The following SLC20A2 variants were observed in gnomAD, a reference collection of about 807,000 sequenced individuals.
SLC20A2 encodes solute carrier family 20 member 2.
Under a neutral mutation model 61.0 loss-of-function variants are expected in SLC20A2, and 30 were observed. That is an observed-to-expected ratio of 0.49 (90% confidence interval 0.37 to 0.67). The LOEUF (loss-of-function observed/expected upper bound fraction) is 0.67, where lower values mean the gene tolerates loss of function less well. SLC20A2 is among the 30% of genes least tolerant of loss of function. The pLI is 0.00. For synonymous variants in SLC20A2, 351 were observed against 353.3 expected (o/e 0.99, Z 0.07); for missense variants, 626 against 866.4 (o/e 0.72, Z 3.48).
intron 1 of SLC20A2, among the ~76,000 whole-genome samples, chr8:42,494,779 T>C (rs539501250): frequency 6.6e-6 from 1 of 152,324 alleles, no homozygotes; most frequent in Admixed American, 6.5e-5. Flanking sequence ...TTTACCTTTT[T>C]CTTCAAGTTT....
At chr8:42,508,378 G>A (rs111856060) in intron 1 of SLC20A2, among the ~76,000 whole-genome samples, 8,026 of 150,940 alleles carry the variant, frequency 0.053, 476 homozygotes, top group African/African-American at 0.15. Flanking sequence ...GTTTTGAGAC[G>A]GAGTCTCGGA....
At chr8:42,423,428 C>T (rs567385244) in intron 10 of SLC20A2, among the ~76,000 whole-genome samples, 9 of 151,778 alleles carry the variant, frequency 5.9e-5, no homozygotes, top group African/African-American at 1.9e-4. Context: ...TGGGCTCAAG[C>T]GATCCTCCTA....
At chr8:42,492,926 C>G (rs565805418) in intron 1 of SLC20A2, among the ~76,000 whole-genome samples, 161 of 152,312 alleles carry the variant, frequency 1.1e-3, no homozygotes, top group Non-Finnish European at 1.8e-3. Flanking sequence ...CGTGATCCAC[C>G]CACCTCAGCC....
chr8:42,457,997 C>T (rs775833206), intron 5 of SLC20A2, among the ~76,000 whole-genome samples: 2 of 152,080 alleles, frequency 1.3e-5, no homozygotes, highest in South Asian at 2.1e-4. Context: ...TGGAAGAGGG[C>T]GCTTTTCGAT....
chr8:42,504,032 T>C (rs370210627), upstream of SLC20A2, among the ~76,000 whole-genome samples: 3 of 152,304 alleles, frequency 2.0e-5, no homozygotes, highest in East Asian at 5.8e-4. Context: ...CTTCACCTCC[T>C]GAGCTCAAGC....
chr8:42,488,935 G>GTTTTTTT (rs34643152), intron 1 of SLC20A2, among the ~76,000 whole-genome samples: 77 of 83,504 alleles, frequency 9.2e-4, no homozygotes, highest in Middle Eastern at 0.01. Flanking sequence ...TAGGAGTTTT[G>GTTTTTTT]TTTTTTTTTT....
intron 5 of SLC20A2, among the ~76,000 whole-genome samples, chr8:42,455,041 C>T (rs1806038241): frequency 1.3e-5 from 2 of 151,176 alleles, no homozygotes; most frequent in African/African-American, 2.4e-5. Context: ...GCTTGGCTAA[C>T]ATGGTGAAAC....
intron 8 of SLC20A2, among the ~76,000 whole-genome samples, chr8:42,430,831 T>C (rs1803811330): frequency 6.6e-6 from 1 of 152,212 alleles, no homozygotes; most frequent in Non-Finnish European, 1.5e-5. Context: ...GTTATGGTGA[T>C]CTGTGATCAG....
chr8:42,532,729 A>G (rs935988163), intron 1 of SLC20A2, among the ~76,000 whole-genome samples: 32 of 152,206 alleles, frequency 2.1e-4, no homozygotes, highest in Admixed American at 1.4e-3. Flanking sequence ...TGGAGACGAG[A>G]AGGAACCAGA....
intron 2 of SLC20A2, 137 bp from the exon 3 acceptor site, chr8:42,466,054 C>T: frequency 1.3e-6 from 1 of 757,102 alleles, no homozygotes; most frequent in African/African-American, 1.8e-5. Context: ...CAAAGCGCTA[C>T]AGCCTGGACA....
intron 10 of SLC20A2, among the ~76,000 whole-genome samples, chr8:42,427,907 T>A (rs1254585188): frequency 6.6e-6 from 1 of 152,218 alleles, no homozygotes; most frequent in East Asian, 1.9e-4. Context: ...ACCAATTAGT[T>A]TTTCTTGAAT....
intron 1 of SLC20A2, among the ~76,000 whole-genome samples, chr8:42,527,418 A>G (rs1489829144): frequency 1.3e-5 from 2 of 151,402 alleles, no homozygotes; most frequent in African/African-American, 4.9e-5. Context: ...AGTATACAGG[A>G]GCTCTATTAA....
intron 7 of SLC20A2, among the ~76,000 whole-genome samples, chr8:42,438,069 A>AC (rs1369637868): frequency 1.3e-4 from 19 of 143,418 alleles, no homozygotes; most frequent in African/African-American, 1.9e-4. Flanking sequence ...AAACCAAAAA[A>AC]AAAAAAAAAA....
intron 1 of SLC20A2, chr8:42,536,613 A>G (rs1812712887): frequency 6.6e-6 from 1 of 152,206 alleles, no homozygotes; most frequent in Non-Finnish European, 1.5e-5. Context: ...ATAGGCCCTC[A>G]TCTAATTCTA....
intron 1 of SLC20A2, among the ~76,000 whole-genome samples, chr8:42,523,429 A>C (rs1252038670): frequency 6.6e-6 from 1 of 152,246 alleles, no homozygotes; most frequent in Admixed American, 6.5e-5. Context: ...ATTCAATGCA[A>C]GTAAATGGGT....
chr8:42,488,946 T>G (rs1391533872), intron 1 of SLC20A2, among the ~76,000 whole-genome samples: 7 of 144,342 alleles, frequency 4.8e-5, no homozygotes, highest in Non-Finnish European at 9.0e-5. Flanking sequence ...TTTTTTTTTT[T>G]TTTTTTTTTT....
chr8:42,530,176 A>G (rs1224007152), intron 1 of SLC20A2, among the ~76,000 whole-genome samples: 1 of 152,204 alleles, frequency 6.6e-6, no homozygotes, highest in East Asian at 1.9e-4. Flanking sequence ...GATGGTATAC[A>G]GGCCAGAGAC....
At chr8:42,455,253 T>TAGAG (rs1369266002) in intron 5 of SLC20A2, among the ~76,000 whole-genome samples, 6 of 93,644 alleles carry the variant, frequency 6.4e-5, no homozygotes, top group East Asian at 2.6e-4. Flanking sequence ...TATATATATA[T>TAGAG]ATATAGAGAG....
At chr8:42,465,008 CA>C (rs993730436) in intron 3 of SLC20A2, among the ~76,000 whole-genome samples, 3 of 151,982 alleles carry the variant, frequency 2.0e-5, no homozygotes, top group Admixed American at 1.3e-4. Flanking sequence ...CAAAACATAA[CA>C]AAACAAAACA....
Sources: gnomAD v4.1 joint callset for allele counts (sites outside exome capture counted in the v4.1 genomes callset) on GRCh38, gnomAD v4.1.1 for gene constraint, MANE v1.5 for transcripts, NCBI Gene and HGNC (gene_info 2026-07-23, HGNC 2026-07-21) for gene names.